ITGB4: variants seen among roughly 807,000 people sequenced by gnomAD.
ITGB4 encodes integrin beta-4.
Under a neutral mutation model 207.6 loss-of-function variants are expected in ITGB4, and 159 were observed. The observed-to-expected ratio is 0.77, with a 90% CI of 0.67 to 0.87. The LOEUF (loss-of-function observed/expected upper bound fraction) is 0.87, where lower values mean the gene tolerates loss of function less well. Among genes scored for constraint, ITGB4 ranks in the 40% least tolerant of loss-of-function variants. ITGB4 has a pLI of 0.00. For synonymous variants in ITGB4, 1,020 were observed against 1,062.7 expected, an observed-to-expected ratio of 0.96 and a Z score of 0.78; for missense variants, 2,278 against 2,546.8, an observed-to-expected ratio of 0.89 and a Z score of 2.27.
Position 75,736,102 on chromosome 17 carries a change from G to A in ITGB4, c.1709G>A (p.Gly570Asp). 1.9e-6 allele frequency: 3 copies of A among 1,614,154 alleles called. No homozygotes were observed. The African/African-American group carries it at 4.0e-5, about 22-fold the overall frequency. ...GQCVCEPGWT[G>D]PSCDCPLSNA... ...TGTGTGTGTGAGCCTGGTTGGACAG[G>A]CCCAAGCTGTGACTGTCCCCTCAGC... is the stretch of plus-strand genomic sequence containing the variant. Residue 570 changes from glycine (G) to aspartate (D), a missense_variant, in exon 14 of 40, where the codon GGC becomes GAC. Transcript: ENST00000200181.
chr17:75,731,121 A>G lies in ITGB4; in HGVS notation c.1093-125A>G. 2.0e-6 allele frequency: 3 copies of G among 1,533,834 alleles called. No homozygotes were observed. The highest frequency in any genetic ancestry group is 3.5e-5 in the Admixed American group (2 of 56,786). ...GCTATCCCTGAGGCCCCGAGGGGCC[A>G]CCTGGGCCTGGCCCTGGCTCCTGCA... is the stretch of plus-strand genomic sequence containing the variant. On this transcript the variant is annotated intron_variant, in intron 9 of 39. Transcript: ENST00000200181. The surrounding 1 kb of genome is among the most constrained non-coding windows in gnomAD (Gnocchi z 6.8).
chr17:75,749,142 A>G, intron 27 of ITGB4, 97 bp downstream of exon 27: 6 of 952,118 alleles, frequency 6.3e-6, no homozygotes, highest in Non-Finnish European at 9.8e-6. Context: ...CAAACACAGG[A>G]CGCCCAGGTA....
At position 75,730,370 on chromosome 17, in the gene ITGB4, C is replaced by T. The variant is rs1208374366; in HGVS notation, c.868C>T (p.Leu290=). 6.2e-7 allele frequency: 1 copy of T among 1,613,956 alleles called. No individual in the cohort carries two copies. The highest frequency in any genetic ancestry group is 1.7e-5 in the Admixed American group (1 of 60,028). Residue 290 remains leucine (L), a synonymous_variant, in exon 8 of 40, where the codon CTG becomes TTG. Coordinates refer to ENST00000200181, the MANE Select transcript of ITGB4 (RefSeq NM_000213.5). ...GAGCCGCAACGATGAACGGTGCCAC[C>T]TGGACACCACGGGCACCTACACCCA... ...IMSRNDERCH[L]DTTGTYTQYR... is the part of the protein sequence containing the mutation.
chr17:75,754,941 T>C (rs2061455838), intron 34 of ITGB4, 126 bp downstream of exon 34: 2 of 1,505,188 alleles, frequency 1.3e-6, no homozygotes, highest in Non-Finnish European at 9.1e-7. Context: ...CATGCACACA[T>C]GCACGCACAC....
intron 26 of ITGB4, among the ~76,000 whole-genome samples, chr17:75,746,719 C>T (rs995154006): frequency 2.6e-5 from 4 of 151,692 alleles, no homozygotes; most frequent in South Asian, 2.1e-4. Context: ...GCGGGCAGAT[C>T]GCTTGAGATC....
In ITGB4 at chr17:75,756,422, C is replaced by T. The variant is rs2061504048; in HGVS notation, c.4709-7C>T. 2 of 1,612,860 alleles carry T rather than the reference C, an allele frequency of 1.2e-6. No homozygotes were observed. The highest frequency in any genetic ancestry group is 2.7e-5 in the African/African-American group (2 of 74,982). On this transcript the variant is annotated splice_polypyrimidine_tract_variant and splice_region_variant and intron_variant, in intron 35 of 39. Transcript: ENST00000200181. ...CACTACTGTGTGCCCCCACCTGATC[C>T]CCCCAGGTGAGCTGCATCGGCTCAA...
In ITGB4 at chr17:75,742,227, A is replaced by C; in HGVS notation, c.2634-114A>C. On this transcript the variant is annotated intron_variant, in intron 23 of 39. Coordinates refer to ENST00000200181, the MANE Select transcript of ITGB4 (RefSeq NM_000213.5). The surrounding 1 kb of genome is among the most constrained non-coding windows in gnomAD (Gnocchi z 5.9). ...CACTGCCTGCCTCTGAAGACCCTGCACTTCTTGCTGTCTTACATCCTGGCC... is the reference window on the plus strand; with the variant it reads ...CACTGCCTGCCTCTGAAGACCCTGCCCTTCTTGCTGTCTTACATCCTGGCC... The C allele has an allele frequency of 7.4e-7, 1 of 1,350,466 alleles. No homozygotes were observed. The highest frequency in any genetic ancestry group is 1.0e-6 in the Non-Finnish European group (1 of 959,316). 83.7% of individuals were successfully genotyped at this position (1,350,466 alleles called of 1,614,324 possible).
At chr17:75,755,294 G>A in intron 34 of ITGB4, 5 of 1,435,390 alleles carry the variant, frequency 3.5e-6, no homozygotes, top group East Asian at 4.7e-5. Context: ...CGCCAGCTGT[G>A]CCCACTGCTT....
chr17:75,752,982 C>G (rs1232694591), intron 32 of ITGB4, among the ~76,000 whole-genome samples: 1 of 152,222 alleles, frequency 6.6e-6, no homozygotes, highest in Non-Finnish European at 1.5e-5. Context: ...CAGCTCTGTC[C>G]TTCCTCCTTG....
chr17:75,747,701 C>T (rs1028979168), intron 26 of ITGB4, among the ~76,000 whole-genome samples: 1 of 152,144 alleles, frequency 6.6e-6, no homozygotes, highest in Non-Finnish European at 1.5e-5. Context: ...CGCTCTGTCA[C>T]CCAGGCTGGA....
intron 26 of ITGB4, among the ~76,000 whole-genome samples, chr17:75,747,201 A>C (rs2061251694): frequency 6.6e-6 from 1 of 151,966 alleles, no homozygotes; most frequent in Non-Finnish European, 1.5e-5. Flanking sequence ...TATTCCAGCC[A>C]GGCGTGGTGG....
intron 26 of ITGB4, 123 bp downstream of exon 26, chr17:75,743,984 G>T: frequency 8.8e-7 from 1 of 1,139,620 alleles, no homozygotes; most frequent in Non-Finnish European, 1.2e-6. Context: ...CGTGCCCCTG[G>T]CTGGCCTCCC....
intron 23 of ITGB4, 87 bp downstream of exon 23, chr17:75,741,092 A>G: frequency 6.9e-7 from 1 of 1,454,074 alleles, no homozygotes; most frequent in Non-Finnish European, 9.5e-7. Flanking sequence ...TCCCTACTCC[A>G]TCTCCATCCC....
chr17:75,726,654 C>T (rs1420196896), intron 2 of ITGB4, among the ~76,000 whole-genome samples: 1 of 152,086 alleles, frequency 6.6e-6, no homozygotes, highest in Non-Finnish European at 1.5e-5. Context: ...ATCACTTGAA[C>T]CTGGGAGGCG....
At chr17:75,752,087 G>T (rs1312066943) in intron 30 of ITGB4, 87 bp from the exon 31 acceptor site, 3 of 1,408,790 alleles carry the variant, frequency 2.1e-6, no homozygotes, top group East Asian at 4.6e-5. Flanking sequence ...CCATCCAGGG[G>T]ATGCACGGCC....
At chr17:75,746,036 TCTC>T (rs1170479432) in intron 26 of ITGB4, among the ~76,000 whole-genome samples, 12 of 152,108 alleles carry the variant, frequency 7.9e-5, no homozygotes, top group Non-Finnish European at 1.8e-4. Flanking sequence ...CAGGAACTGT[TCTC>T]ATTATTTTTC....
intron 34 of ITGB4, 65 bp from the exon 35 acceptor site, chr17:75,755,636 C>G: frequency 6.3e-7 from 1 of 1,598,542 alleles, no homozygotes; most frequent in Non-Finnish European, 8.5e-7. Flanking sequence ...CAGGGGGCAG[C>G]ACTGTGACTC....
rs746375890 is a variant in ITGB4 at position 75,737,519 on chromosome 17, C to G, written c.2114-19C>G. 6.4e-7 allele frequency: 1 copy of G among 1,559,512 alleles called. No individual in the cohort carries two copies. Among genetic ancestry groups the G allele is most frequent in the Admixed American group, 1.9e-5 (1 of 51,494 alleles). ...GTGGGGAGGACAGGCACCACCTCCC[C>G]CTGCCTCCTCCTCTCCAGACTGCCC... On this transcript the variant is annotated intron_variant, in intron 17 of 39. Transcript: ENST00000200181.
In ITGB4 at chr17:75,727,356, G is replaced by A. The variant is rs746597537; in HGVS notation, c.163-48G>A. The A allele has an allele frequency of 1.2e-6, 2 of 1,612,378 alleles. No homozygotes were observed. The highest frequency in any genetic ancestry group is 1.7e-6 in the Non-Finnish European group (2 of 1,178,626). ...TGGAAATGAATCTAGGGTTGGGGCA[G>A]CCAGGGAATGGGTGCTGCCCCCAGT... On this transcript the variant is annotated intron_variant, in intron 3 of 39. Transcript: ENST00000200181. This position sits in a 1 kb window ranked among gnomAD's most constrained non-coding sequence, Gnocchi z 6.0.
Sources: gnomAD v4.1 joint callset for allele counts (sites outside exome capture counted in the v4.1 genomes callset) on GRCh38, gnomAD v4.1.1 for gene constraint, Gnocchi (gnomAD v3.1) non-coding constraint, MANE v1.5 for transcripts, NCBI Gene and HGNC (gene_info 2026-07-23, HGNC 2026-07-21) for gene names.